DOCK1: variants seen among roughly 807,000 people sequenced by gnomAD.
DOCK1 encodes dedicator of cytokinesis protein 1.
Under a neutral mutation model 262.7 loss-of-function variants are expected in DOCK1, and 138 were observed. The observed-to-expected ratio is 0.53, with a 90% CI of 0.46 to 0.61. DOCK1 has a LOEUF of 0.61. Among genes scored for constraint, DOCK1 ranks in the 20% least tolerant of loss-of-function variants. DOCK1 has a pLI of 0.00. For synonymous variants in DOCK1, 866 were observed against 867.4 expected (o/e 1.00, Z 0.03); for missense variants, 1,908 against 2,370.7 (o/e 0.80, Z 4.05).
intron 30 of DOCK1, among the ~76,000 whole-genome samples, chr10:127,341,954 A>G (rs551728336): frequency 6.6e-6 from 1 of 152,310 alleles, no homozygotes; most frequent in South Asian, 2.1e-4. Context: ...CACCACCGTC[A>G]CCACCATGAG....
At chr10:127,347,985 C>T (rs1401110877) in intron 31 of DOCK1, among the ~76,000 whole-genome samples, 4 of 148,880 alleles carry the variant, frequency 2.7e-5, no homozygotes, top group Non-Finnish European at 4.4e-5. Flanking sequence ...ATCAGGAAAC[C>T]TGCCTGCTCC....
At chr10:126,914,451 A>G (rs923318547) in intron 1 of DOCK1, among the ~76,000 whole-genome samples, 7 of 152,164 alleles carry the variant, frequency 4.6e-5, no homozygotes, top group African/African-American at 1.7e-4. Flanking sequence ...TGGCCAGACC[A>G]GAGTGCAGTG....
At chr10:127,013,876 T>C (rs573463710) in intron 12 of DOCK1, among the ~76,000 whole-genome samples, 2 of 152,358 alleles carry the variant, frequency 1.3e-5, no homozygotes, top group Non-Finnish European at 2.9e-5. Context: ...GTGAGTGATG[T>C]GGCCAGTGAG....
intron 23 of DOCK1, among the ~76,000 whole-genome samples, chr10:127,098,637 A>G (rs551540666): frequency 6.6e-6 from 1 of 152,272 alleles, no homozygotes; most frequent in African/African-American, 2.4e-5. Flanking sequence ...AGGAGCCCGG[A>G]CAGCACCCCA....
intron 16 of DOCK1, among the ~76,000 whole-genome samples, chr10:127,027,445 T>G (rs1368700313): frequency 6.6e-6 from 1 of 152,084 alleles, no homozygotes; most frequent in Non-Finnish European, 1.5e-5. Flanking sequence ...ACAGTTATCC[T>G]GGTGTGATGG....
chr10:127,371,954 CT>C (rs1302955751), intron 33 of DOCK1, among the ~76,000 whole-genome samples: 1 of 152,166 alleles, frequency 6.6e-6, no homozygotes, highest in African/African-American at 2.4e-5. Flanking sequence ...GAAAAAAAAT[CT>C]AAAGCAATTC....
intron 29 of DOCK1, among the ~76,000 whole-genome samples, chr10:127,280,277 G>A (rs951954689): frequency 1.1e-4 from 17 of 151,684 alleles, no homozygotes; most frequent in East Asian, 5.8e-4. Flanking sequence ...CTCGTGATCC[G>A]CCCGCCTCGG....
chr10:127,018,900 G>T (rs576552997), intron 13 of DOCK1, 65 bp downstream of exon 13: 2 of 1,595,632 alleles, frequency 1.3e-6, no homozygotes, highest in Admixed American at 3.5e-5. Context: ...GGAGGATGAC[G>T]TGTGGGCAGC....
chr10:127,288,103 A>G (rs1446029043), intron 29 of DOCK1, among the ~76,000 whole-genome samples: 1 of 152,212 alleles, frequency 6.6e-6, no homozygotes, highest in Non-Finnish European at 1.5e-5. Context: ...TCCTCCAAGG[A>G]TGACCAGTAA....
chr10:127,285,883 A>G (rs887501849), intron 29 of DOCK1, among the ~76,000 whole-genome samples: 1 of 152,158 alleles, frequency 6.6e-6, no homozygotes, highest in Non-Finnish European at 1.5e-5. Flanking sequence ...CCGTGAAACT[A>G]CCTAAGCAGG....
chr10:127,150,785 A>G (rs1484688455), intron 27 of DOCK1, among the ~76,000 whole-genome samples: 1 of 152,204 alleles, frequency 6.6e-6, no homozygotes, highest in Non-Finnish European at 1.5e-5. Context: ...AGGTAGAGAC[A>G]GGTCAAGTAT....
chr10:127,089,984 G>A (rs971227871), intron 23 of DOCK1, among the ~76,000 whole-genome samples: 1 of 152,162 alleles, frequency 6.6e-6, no homozygotes, highest in African/African-American at 2.4e-5. Context: ...GATGTAAAAT[G>A]TTTGTTGAGA....
intron 23 of DOCK1, among the ~76,000 whole-genome samples, chr10:127,062,607 CCT>C (rs1435744307): frequency 5.3e-5 from 8 of 152,294 alleles, no homozygotes; most frequent in Admixed American, 3.3e-4. Flanking sequence ...GGCCCCGGAG[CCT>C]CTTTTGTAGT....
intron 27 of DOCK1, among the ~76,000 whole-genome samples, chr10:127,228,569 G>T (rs538271685): frequency 7.2e-4 from 110 of 152,174 alleles, no homozygotes; most frequent in Non-Finnish European, 1.2e-3. Flanking sequence ...GTCTTTTGAT[G>T]ATGTGACATG....
At chr10:127,294,514 G>A (rs773057886) in intron 29 of DOCK1, among the ~76,000 whole-genome samples, 2 of 151,924 alleles carry the variant, frequency 1.3e-5, no homozygotes, top group Non-Finnish European at 2.9e-5. Context: ...TAGAGATGGG[G>A]TTTCACCATG....
intron 25 of DOCK1, among the ~76,000 whole-genome samples, chr10:127,112,782 A>G (rs910198833): frequency 6.6e-6 from 1 of 152,220 alleles, no homozygotes; most frequent in African/African-American, 2.4e-5. Context: ...GAAGTTGTCT[A>G]AGCTGTAACT....
In DOCK1 at chr10:126,996,880, A is replaced by G. The variant is rs1565044399; in HGVS notation, c.606A>G (p.Glu202=). Reference sequence around the variant, plus strand: ...AAGTGGAGGAAAGGTTACAAGAGGAAAAAGTAAGTTTGACTCTGTCATATG... The same window carrying G: ...AAGTGGAGGAAAGGTTACAAGAGGAGAAAGTAAGTTTGACTCTGTCATATG... ...SKQVEERLQE[E]KSQKQNIDIN... is the part of the protein sequence containing the mutation. Residue 202 remains glutamate (E), a synonymous_variant, in exon 7 of 52, where the codon GAA becomes GAG. Coordinates refer to ENST00000623213, the MANE Select transcript of DOCK1 (RefSeq NM_001290223.2). The G allele has an allele frequency of 6.3e-7, 1 of 1,595,012 alleles. No homozygotes were observed. The highest frequency in any genetic ancestry group is 8.5e-7 in the Non-Finnish European group (1 of 1,173,532).
intron 1 of DOCK1, among the ~76,000 whole-genome samples, chr10:126,945,061 A>C (rs1243303942): frequency 6.6e-6 from 1 of 151,306 alleles, no homozygotes; most frequent in Non-Finnish European, 1.5e-5. Context: ...CTGGTCTCCA[A>C]CTCCTGACTT....
At chr10:127,270,919 G>C (rs923593558) in intron 29 of DOCK1, among the ~76,000 whole-genome samples, 1 of 151,814 alleles carries the variant, frequency 6.6e-6, no homozygotes, top group African/African-American at 2.4e-5. Flanking sequence ...TTTTATTTTT[G>C]AGAAATTATC....
Sources: allele counts gnomAD v4.1 joint callset (sites outside exome capture counted in the v4.1 genomes callset), GRCh38; gene constraint gnomAD v4.1.1; transcripts MANE v1.5; gene names NCBI Gene and HGNC (gene_info 2026-07-23, HGNC 2026-07-21).